Variants in MCCC1 observed in about 807,000 individuals in gnomAD.
MCCC1 encodes methylcrotonoyl-CoA carboxylase subunit alpha, mitochondrial.
In MCCC1, 64 loss-of-function variants were observed where a neutral mutation model predicts 83.8. The observed-to-expected ratio is 0.76, with a 90% CI of 0.62 to 0.94. MCCC1 has a LOEUF of 0.94. MCCC1 is among the 40% of genes least tolerant of loss of function. MCCC1 has a pLI of 0.00. For missense variants in MCCC1, 807 were observed against 904.7 expected (o/e 0.89, Z 1.39); for synonymous variants, 322 against 315.4 (o/e 1.02, Z -0.22).
chr3:183,018,406 T>C (rs1190211693), intron 17 of MCCC1, among the ~76,000 whole-genome samples: 2 of 46,952 alleles, frequency 4.3e-5, no homozygotes, highest in Non-Finnish European at 9.3e-5. Context: ...GGCCTACAGG[T>C]CAAATGCACT....
intron 1 of MCCC1, among the ~76,000 whole-genome samples, chr3:183,106,672 T>C (rs909086183): frequency 5.3e-5 from 8 of 152,054 alleles, no homozygotes; most frequent in Non-Finnish European, 1.2e-4. Flanking sequence ...AATTTTTGTA[T>C]TTTTAGTAGA....
At chr3:183,058,326 A>G (rs983504963) in intron 7 of MCCC1, among the ~76,000 whole-genome samples, 1 of 152,206 alleles carries the variant, frequency 6.6e-6, no homozygotes, top group African/African-American at 2.4e-5. Context: ...AATAAAACCC[A>G]AAAAAGGGCC....
chr3:183,022,604 GAATT>G, intron 15 of MCCC1, 50 bp from the exon 16 acceptor site: 2 of 1,432,254 alleles, frequency 1.4e-6, no homozygotes, highest in Non-Finnish European at 1.9e-6. Context: ...CAACACTACA[GAATT>G]AATAAGATCA....
intron 8 of MCCC1, among the ~76,000 whole-genome samples, chr3:183,053,726 AC>A (rs1715176844): frequency 6.8e-6 from 1 of 147,538 alleles, no homozygotes; most frequent in South Asian, 2.2e-4. Flanking sequence ...AATGGCGTGA[AC>A]CCAGGAGGCA....
upstream of MCCC1, among the ~76,000 whole-genome samples, chr3:183,102,773 T>TG: frequency 1.1e-5 from 1 of 91,534 alleles, no homozygotes; most frequent in Non-Finnish European, 2.0e-5. Context: ...TTTTTTTTTT[T>TG]TTTTTTTTTT....
At chr3:183,059,116 G>A (rs1715640582) in intron 7 of MCCC1, among the ~76,000 whole-genome samples, 1 of 152,152 alleles carries the variant, frequency 6.6e-6, no homozygotes. Context: ...AAGACCAGCT[G>A]GGCAACATGG....
At chr3:183,095,140 G>T (rs928734858) in intron 1 of MCCC1, among the ~76,000 whole-genome samples, 1 of 151,984 alleles carries the variant, frequency 6.6e-6, no homozygotes, top group African/African-American at 2.4e-5. Flanking sequence ...AAAATTAGCC[G>T]GGCGTCATGG....
intron 7 of MCCC1, among the ~76,000 whole-genome samples, chr3:183,067,816 G>C (rs1716364073): frequency 6.6e-6 from 1 of 152,126 alleles, no homozygotes; most frequent in Non-Finnish European, 1.5e-5. Context: ...TGCTTACTTT[G>C]CTCTACTGTT....
chr3:183,109,644 C>G (rs976392507), intron 1 of MCCC1, among the ~76,000 whole-genome samples: 1 of 152,160 alleles, frequency 6.6e-6, no homozygotes, highest in Non-Finnish European at 1.5e-5. Context: ...ATTTTCTTTT[C>G]CAGTCCACTG....
intron 15 of MCCC1, among the ~76,000 whole-genome samples, chr3:183,023,777 T>C (rs1391935027): frequency 2.6e-5 from 4 of 152,214 alleles, no homozygotes; most frequent in African/African-American, 7.2e-5. Context: ...TACCTTACTA[T>C]AGGAATTTGA....
At chr3:183,114,626 T>G (rs1288741271) in intron 1 of MCCC1, among the ~76,000 whole-genome samples, 2 of 152,158 alleles carry the variant, frequency 1.3e-5, no homozygotes, top group Admixed American at 6.5e-5. Context: ...TAAGACAGTA[T>G]TTTCCTCTCA....
chr3:183,024,903 T>C (rs1712457694), intron 15 of MCCC1, among the ~76,000 whole-genome samples: 1 of 151,288 alleles, frequency 6.6e-6, no homozygotes, highest in Non-Finnish European at 1.5e-5. Context: ...TGTTCATTAA[T>C]GGCTGAATGG....
At chr3:183,094,406 C>T (rs1192494581) in intron 2 of MCCC1, among the ~76,000 whole-genome samples, 153 bp downstream of exon 2, 1 of 152,138 alleles carries the variant, frequency 6.6e-6, no homozygotes, top group East Asian at 1.9e-4. Context: ...AGGTGAAAAC[C>T]ATGACTTAAC....
intron 10 of MCCC1, among the ~76,000 whole-genome samples, chr3:183,044,319 T>C (rs1298300125): frequency 6.6e-6 from 1 of 152,238 alleles, no homozygotes; most frequent in Non-Finnish European, 1.5e-5. Context: ...ATTATTAATA[T>C]TTGAGAAGTA....
At chr3:183,017,409 A>G (rs1711736825) in intron 17 of MCCC1, 72 bp from the exon 18 acceptor site, 1 of 1,379,682 alleles carries the variant, frequency 7.2e-7, no homozygotes, top group African/African-American at 1.4e-5. Context: ...GCTTCATTAT[A>G]GTAACCATTT....
intron 13 of MCCC1, among the ~76,000 whole-genome samples, chr3:183,035,841 T>A (rs1713534705): frequency 6.6e-6 from 1 of 152,036 alleles, no homozygotes; most frequent in African/African-American, 2.4e-5. Context: ...TTTTTTTTTT[T>A]AATACTTTAA....
intron 3 of MCCC1, 138 bp from the exon 4 acceptor site, chr3:183,086,926 C>G (rs1717937778): frequency 1.3e-6 from 1 of 757,756 alleles, no homozygotes; most frequent in Non-Finnish European, 2.3e-6. Flanking sequence ...AATTGAAAAA[C>G]TGAAGTACCA....
chr3:183,033,414 C>T (rs182334427), intron 14 of MCCC1, among the ~76,000 whole-genome samples: 3 of 152,318 alleles, frequency 2.0e-5, no homozygotes, highest in African/African-American at 7.2e-5. Flanking sequence ...ACCATCCATG[C>T]TTTCATCTTC....
intron 8 of MCCC1, among the ~76,000 whole-genome samples, chr3:183,055,734 A>G (rs974052323): frequency 1.3e-5 from 2 of 152,060 alleles, no homozygotes; most frequent in South Asian, 4.1e-4. Context: ...CATCTCTACA[A>G]TACATTAAAA....
Sources: gnomAD v4.1 joint callset for allele counts (sites outside exome capture counted in the v4.1 genomes callset) on GRCh38, gnomAD v4.1.1 for gene constraint, MANE v1.5 for transcripts, NCBI Gene and HGNC (gene_info 2026-07-23, HGNC 2026-07-21) for gene names.